CCDC40: variants seen among roughly 807,000 people sequenced by gnomAD.
The protein encoded by CCDC40 is coiled-coil domain 40 molecular ruler complex subunit.
A neutral mutation model predicts 124.5 loss-of-function variants in CCDC40; 104 were observed. That is an observed-to-expected ratio of 0.84 (90% CI 0.71 to 0.98). The LOEUF (loss-of-function observed/expected upper bound fraction) is 0.98, where lower values mean the gene tolerates loss of function less well. Among genes scored for constraint, CCDC40 ranks in the 50% least tolerant of loss-of-function variants. The pLI is 0.00. For missense variants in CCDC40, 1,463 were observed against 1,503.9 expected (o/e 0.97, Z 0.45); for synonymous variants, 580 against 602.9 (o/e 0.96, Z 0.56).
chr17:80,099,389 A>G, intron 19 of CCDC40, 138 bp from the exon 20 acceptor site: 3 of 987,242 alleles, frequency 3.0e-6, no homozygotes, highest in Non-Finnish European at 4.7e-6. Context: ...CAGGGGCGCA[A>G]CACCTTCACG....
chr17:80,045,838 T>C (rs2037406860), intron 3 of CCDC40, among the ~76,000 whole-genome samples: 1 of 133,952 alleles, frequency 7.5e-6, no homozygotes, highest in Admixed American at 7.0e-5. Context: ...CATCATAACC[T>C]TTCAAAAAAA....
chr17:80,095,127 G>A (rs1345496620), intron 17 of CCDC40, 136 bp from the exon 18 acceptor site: 25 of 788,224 alleles, frequency 3.2e-5, no homozygotes, highest in South Asian at 1.8e-4. Flanking sequence ...TCCTCCTGGC[G>A]GCACAGGCCT....
intron 13 of CCDC40, among the ~76,000 whole-genome samples, chr17:80,085,478 C>G (rs1403501117): frequency 6.6e-6 from 1 of 152,196 alleles, no homozygotes; most frequent in African/African-American, 2.4e-5. Context: ...CCAGCGCACC[C>G]ACCATGGGGA....
chr17:80,037,118 C>G (rs1355526500), intron 1 of CCDC40, among the ~76,000 whole-genome samples: 1 of 152,138 alleles, frequency 6.6e-6, no homozygotes, highest in African/African-American at 2.4e-5. Context: ...TCGCTGTGGC[C>G]GGAGACCAGC....
chr17:80,090,006 G>A (rs2038669051), intron 17 of CCDC40, 122 bp downstream of exon 17: 15 of 1,539,920 alleles, frequency 9.7e-6, no homozygotes, highest in African/African-American at 1.4e-5. Context: ...TGGCCACATT[G>A]GCTGGTGGCA....
rs757748232 is a variant in CCDC40 at position 80,037,690 on chromosome 17, G to GATATATATATATATATATATATATATAT, written c.30-428_30-427insTATATATATATATATATATATATATATA. ...CTTGAATCTTTAATTTTTTAAAAAA[G>GATATATATATATATATATATATATATAT]ATATACATATATATATATATATATA... On this transcript the variant is annotated intron_variant, in intron 1 of 19. Coordinates refer to ENST00000397545, the MANE Select transcript of CCDC40 (RefSeq NM_017950.4). Among the ~76,000 whole-genome samples, 77 of 92,066 alleles carry GATATATATATATATATATATATATATAT rather than the reference G, an allele frequency of 8.4e-4. 10 individuals carry two copies. The highest frequency in any genetic ancestry group is 2.2e-3 in the East Asian group (6 of 2,768). 60.4% of individuals were successfully genotyped at this position (92,066 alleles called of 152,430 possible). A position where few individuals can be genotyped will look rare whatever the true frequency, so the allele number is the denominator to read the frequency against.
In CCDC40 at chr17:80,081,608, T is replaced by C; in HGVS notation, c.1625T>C (p.Met542Thr). The C allele has an allele frequency of 1.2e-6, 2 of 1,613,994 alleles. No individual in the cohort carries two copies. Among genetic ancestry groups the C allele is most frequent in the Non-Finnish European group, 8.5e-7 (1 of 1,180,024 alleles). ...GEIEAYKKSI[M>T]KEEEKNEKLA... ...ATTGAGGCCTATAAGAAATCCATCA[T>C]GAAGGAGGAAGAAAAGAACGAGAAG... is the stretch of plus-strand genomic sequence containing the variant. The change falls in exon 11 of 20, where the codon ATG (methionine) becomes ACG (threonine). Residue 542 changes from methionine (M) to threonine (T), a missense_variant. Coordinates refer to ENST00000397545, the MANE Select transcript of CCDC40 (RefSeq NM_017950.4).
intron 2 of CCDC40, 32 bp downstream of exon 2, chr17:80,038,218 T>C: frequency 2.2e-6 from 3 of 1,378,564 alleles, no homozygotes; most frequent in Non-Finnish European, 3.1e-6. Context: ...TATTCCGGGC[T>C]TATATTTACT....
intron 10 of CCDC40, among the ~76,000 whole-genome samples, chr17:80,069,900 G>A (rs116186224): frequency 0.014 from 2,188 of 152,340 alleles, 47 homozygotes; most frequent in African/African-American, 0.05. Context: ...TGGCAGAGAC[G>A]ACTCCTCAAA....
chr17:80,100,043 A>G lies in CCDC40; in HGVS notation c.*268A>G, dbSNP rs2038893481. On this transcript the variant is annotated 3_prime_UTR_variant, in exon 20 of 20. Coordinates refer to ENST00000397545, the MANE Select transcript of CCDC40 (RefSeq NM_017950.4). ...CAGACCCACACACCCACACTCCCAC[A>G]CTGGGCTTACTCGTCCAGGTAACAC... is the stretch of plus-strand genomic sequence containing the variant. The G allele has an allele frequency of 1.0e-5, 5 of 499,738 alleles. No homozygotes were observed. In the East Asian group the frequency reaches 1.8e-4, roughly 18 times the overall value. 31.0% of individuals were successfully genotyped at this position (499,738 alleles called of 1,614,324 possible).
intron 1 of CCDC40, among the ~76,000 whole-genome samples, chr17:80,037,306 A>G (rs2143558324): frequency 6.6e-6 from 1 of 152,300 alleles, no homozygotes; most frequent in Admixed American, 6.5e-5. Flanking sequence ...GATCCCTGCC[A>G]CCGGGCCTCT....
Position 80,066,125 on chromosome 17 carries a change from C to G in CCDC40, c.1562+519C>G, listed in dbSNP as rs757579707. 1 of 702,848 alleles carries G rather than the reference C, an allele frequency of 1.4e-6. No homozygotes were observed. The highest frequency in any genetic ancestry group is 2.6e-6 in the Non-Finnish European group (1 of 385,014). The allele number at this position is 702,848 out of a possible 1,614,324, so 43.5% of individuals were successfully genotyped here. ...TGCTGCCTTCATTCCTAAAACCACCCAGGGTGACCAGGTCTCGGGACGCGG... is the reference window on the plus strand; with the variant it reads ...TGCTGCCTTCATTCCTAAAACCACCGAGGGTGACCAGGTCTCGGGACGCGG... On this transcript the variant is annotated intron_variant, in intron 10 of 19. Coordinates refer to ENST00000397545, the MANE Select transcript of CCDC40 (RefSeq NM_017950.4). The surrounding 1 kb of genome is among the most constrained non-coding windows in gnomAD (Gnocchi z 4.4).
At chr17:80,083,221 G>T (rs575153066) in intron 12 of CCDC40, among the ~76,000 whole-genome samples, 7 of 151,978 alleles carry the variant, frequency 4.6e-5, no homozygotes, top group African/African-American at 7.2e-5. Flanking sequence ...AGTTGGGGAG[G>T]GGGGAGGCAG....
chr17:80,081,114 G>A (rs547799308), intron 10 of CCDC40, among the ~76,000 whole-genome samples: 6 of 152,068 alleles, frequency 3.9e-5, no homozygotes, highest in Non-Finnish European at 1.5e-5. Flanking sequence ...TGGGTGCAGC[G>A]GCTCACACCT....
intron 12 of CCDC40, among the ~76,000 whole-genome samples, chr17:80,083,077 A>G (rs2038496351): frequency 6.6e-6 from 1 of 151,996 alleles, no homozygotes; most frequent in African/African-American, 2.4e-5. Flanking sequence ...TAATCCAGGG[A>G]TGGTGTAGAT....
chr17:80,045,841 CA>C (rs34444191), intron 3 of CCDC40, among the ~76,000 whole-genome samples: 40,916 of 132,998 alleles, frequency 0.31, 6,170 homozygotes, highest in African/African-American at 0.45. Flanking sequence ...CATAACCTTT[CA>C]AAAAAAAAAA....
chr17:80,047,641 T>A (rs2037462466), intron 4 of CCDC40, among the ~76,000 whole-genome samples: 1 of 152,222 alleles, frequency 6.6e-6, no homozygotes, highest in Non-Finnish European at 1.5e-5. Flanking sequence ...AACAGACAGG[T>A]TCCCTAAGGC....
rs77024302 is a variant in CCDC40 at position 80,097,652 on chromosome 17, T to C, written c.3180+249T>C. On this transcript the variant is annotated intron_variant, in intron 19 of 19. Transcript: ENST00000397545. ...TGTTCAGCGTGCGAGGGTTACAAAATAGAACACAAAAAACAAACATTCCTG... is the reference window on the plus strand; with the variant it reads ...TGTTCAGCGTGCGAGGGTTACAAAACAGAACACAAAAAACAAACATTCCTG... 12,831 of 540,516 alleles carry C rather than the reference T, an allele frequency of 0.024. 501 individuals carry two copies. The highest frequency in any genetic ancestry group is 0.12 in the East Asian group (3,794 of 31,538). 33.5% of individuals were successfully genotyped at this position (540,516 alleles called of 1,614,324 possible). A position where few individuals can be genotyped will look rare whatever the true frequency, so the allele number is the denominator to read the frequency against.
In CCDC40 at chr17:80,050,109, G is replaced by T. The variant is rs745445950; in HGVS notation, c.985G>T (p.Val329Leu). ...CCGAGCCCAGCGGCAGGAGCTGGGG[G>T]TGAATCTCTATGAGGTGCAGCAGCA... ...QSRAQRQELGVNLYEVQQHLV... is the reference protein window; with the variant it reads ...QSRAQRQELGLNLYEVQQHLV... Residue 329 changes from valine to leucine, a missense_variant, in exon 7 of 20, where the codon GTG (valine) becomes TTG (leucine). Transcript: ENST00000397545. 2 of 1,614,016 alleles carry T rather than the reference G, an allele frequency of 1.2e-6. No individual in the cohort carries two copies. The highest frequency in any genetic ancestry group is 1.7e-6 in the Non-Finnish European group (2 of 1,180,038).
Sources: allele counts gnomAD v4.1 joint callset (sites outside exome capture counted in the v4.1 genomes callset), GRCh38; gene constraint gnomAD v4.1.1; non-coding constraint Gnocchi (gnomAD v3.1); transcripts MANE v1.5; gene names NCBI Gene and HGNC (gene_info 2026-07-23, HGNC 2026-07-21).